Variants in TOGARAM2 observed in about 807,000 individuals in gnomAD.
TOGARAM2 encodes TOG array regulator of axonemal microtubules protein 2.
TOGARAM2 carries 85 observed loss-of-function variants against 93.3 expected under a neutral mutation model. The observed-to-expected ratio is 0.91, with a 90% CI of 0.76 to 1.09. The LOEUF is 1.09. Ranked by LOEUF, TOGARAM2 falls within the 50% of genes least tolerant of loss-of-function variation. The probability of loss-of-function intolerance (pLI) is 0.00; values close to 1 mark genes in which losing one functional copy is unlikely to be tolerated. For missense variants in TOGARAM2, 1,277 were observed against 1,334.5 expected, an observed-to-expected ratio of 0.96 and a Z score of 0.67; for synonymous variants, 593 against 552.8, an observed-to-expected ratio of 1.07 and a Z score of -1.02.
At chr2:28,984,967 G>A (rs1376308638) in intron 1 of TOGARAM2, among the ~76,000 whole-genome samples, 2 of 152,244 alleles carry the variant, frequency 1.3e-5, no homozygotes, top group East Asian at 3.8e-4. Flanking sequence ...CCAGTGTGAT[G>A]CCTATAGGGG....
rs775733626 is a variant in TOGARAM2, at chr2:29,017,240, G to A, written c.1131G>A (p.Glu377=). 1.5e-5 allele frequency: 25 copies of A among 1,613,860 alleles called. No homozygotes were observed. The highest frequency in any genetic ancestry group is 8.5e-7 in the Non-Finnish European group (1 of 1,179,890). ...TGGAGCTGCTTCGGAGGCTGGAGGAGCCCAGGACAGGGCAGGAGCTCACTT... is the reference window on the plus strand; with the variant it reads ...TGGAGCTGCTTCGGAGGCTGGAGGAACCCAGGACAGGGCAGGAGCTCACTT... ...KEMELLRRLE[E]PRTGQELTSQ... The change falls in exon 9 of 20, where the codon GAG becomes GAA. Residue 377 remains glutamate (E), a synonymous_variant. Coordinates refer to ENST00000379558, the MANE Select transcript of TOGARAM2 (RefSeq NM_199280.4).
chr2:29,049,954 C>T (rs2148403539), intron 19 of TOGARAM2: 1 of 152,312 alleles, frequency 6.6e-6, no homozygotes, highest in Admixed American at 6.5e-5. Flanking sequence ...CCTGGTTCCT[C>T]CTTATTCCAG....
At chr2:29,038,216 T>C (rs1666233037) in intron 18 of TOGARAM2, among the ~76,000 whole-genome samples, 1 of 152,152 alleles carries the variant, frequency 6.6e-6, no homozygotes, top group African/African-American at 2.4e-5. Flanking sequence ...GGTAGCAGGA[T>C]TGTAGCTACT....
Position 29,052,178 on chromosome 2 carries a change from G to A in TOGARAM2, c.*85G>A, listed in dbSNP as rs1199957008. 8 of 1,030,556 alleles carry A rather than the reference G, an allele frequency of 7.8e-6. No individual in the cohort carries two copies. The highest frequency in any genetic ancestry group is 1.1e-5 in the Non-Finnish European group (8 of 735,936). 63.8% of individuals were successfully genotyped at this position (1,030,556 alleles called of 1,614,324 possible). On this transcript the variant is annotated 3_prime_UTR_variant, in exon 20 of 20. Coordinates refer to ENST00000379558, the MANE Select transcript of TOGARAM2 (RefSeq NM_199280.4). ...GGTTACTTTCCCCCTTAGAGTTCCA[G>A]ATGTACATGGTATATTTTGAAGTAG...
At chr2:29,030,744 T>G (rs1223893049) in intron 14 of TOGARAM2, among the ~76,000 whole-genome samples, 4 of 152,222 alleles carry the variant, frequency 2.6e-5, no homozygotes, top group Non-Finnish European at 4.4e-5. Flanking sequence ...TCTTTAGTCC[T>G]CATCTCCCTC....
At chr2:28,967,906 C>A (rs1400104934) in intron 1 of TOGARAM2, among the ~76,000 whole-genome samples, 2 of 151,188 alleles carry the variant, frequency 1.3e-5, no homozygotes, top group Non-Finnish European at 2.9e-5. Context: ...GCAACCTCCC[C>A]CTCCTGGGTT....
chr2:29,029,261 G>A (rs75446273), intron 14 of TOGARAM2, among the ~76,000 whole-genome samples: 1 of 84,800 alleles, frequency 1.2e-5, no homozygotes, highest in Admixed American at 1.5e-4. Context: ...ATGTATGTGT[G>A]TATACACACA....
chr2:29,018,577 G>C (rs1438480510), intron 10 of TOGARAM2: 1 of 152,026 alleles, frequency 6.6e-6, no homozygotes. Flanking sequence ...CAGAGTTTCT[G>C]TAAGTGTGGG....
intron 1 of TOGARAM2, among the ~76,000 whole-genome samples, chr2:28,982,590 T>G (rs1012019335): frequency 2.0e-5 from 3 of 151,760 alleles, no homozygotes; most frequent in Non-Finnish European, 4.4e-5. Flanking sequence ...ACTAACAGAT[T>G]TGAAGAAAGG....
intron 8 of TOGARAM2, among the ~76,000 whole-genome samples, chr2:29,016,688 CT>C (rs1664592042): frequency 6.6e-6 from 1 of 152,216 alleles, no homozygotes; most frequent in South Asian, 2.1e-4. Flanking sequence ...ATCCTGCCCC[CT>C]GCCTGATCTT....
At chr2:28,979,792 G>A (rs2148231306), upstream of TOGARAM2, among the ~76,000 whole-genome samples, 1 of 152,308 alleles carries the variant, frequency 6.6e-6, no homozygotes, top group Non-Finnish European at 1.5e-5. Flanking sequence ...GACAGCAGGG[G>A]CCATGAGGGG....
chr2:29,003,953 G>A (rs1393796947), intron 6 of TOGARAM2, among the ~76,000 whole-genome samples: 14 of 152,230 alleles, frequency 9.2e-5, no homozygotes, highest in Non-Finnish European at 2.1e-4. Context: ...GTGCCTTAGT[G>A]GATGAGGTTG....
intron 14 of TOGARAM2, among the ~76,000 whole-genome samples, chr2:29,028,216 A>T (rs1665530709): frequency 6.6e-6 from 1 of 152,080 alleles, no homozygotes; most frequent in South Asian, 2.1e-4. Flanking sequence ...ACCATGTGGC[A>T]CCTGTCAGGG....
At position 29,024,017 on chromosome 2, in the gene TOGARAM2, A is replaced by G. The variant is rs559521371; in HGVS notation, c.1618-122A>G. The G allele has an allele frequency of 1.0e-5, 8 of 777,262 alleles. No individual in the cohort carries two copies. In the South Asian group the frequency reaches 1.1e-4, roughly 11 times the overall value. The allele number at this position is 777,262 out of a possible 1,614,324, so 48.1% of individuals were successfully genotyped here. A position where few individuals can be genotyped will look rare whatever the true frequency, so the allele number is the denominator to read the frequency against. On this transcript the variant is annotated intron_variant, in intron 12 of 19. Coordinates refer to ENST00000379558, the MANE Select transcript of TOGARAM2 (RefSeq NM_199280.4). ...GCAGGGTTTTTGTTTCCAGCGTGGC[A>G]AGGCCTAGGTCAGGGGAAGGGTGGG... is the stretch of plus-strand genomic sequence containing the variant.
chr2:28,993,848 G>T (rs1276452515), intron 1 of TOGARAM2, among the ~76,000 whole-genome samples: 1 of 152,212 alleles, frequency 6.6e-6, no homozygotes, highest in African/African-American at 2.4e-5. Flanking sequence ...CCTGAGTTGG[G>T]ATTTGTTGCT....
Position 28,998,266 on chromosome 2 carries a change from G to C in TOGARAM2, c.139+13G>C, listed in dbSNP as rs373953282. 12 of 1,586,216 alleles carry C rather than the reference G, an allele frequency of 7.6e-6. No homozygotes were observed. The highest frequency in any genetic ancestry group is 1.0e-5 in the Non-Finnish European group (12 of 1,160,766). On this transcript the variant is annotated intron_variant, in intron 3 of 19. Transcript: ENST00000379558. ...CCTCATGGAGAAGGTGAGATGGGAA[G>C]ACCTCACCTGGTCAGGGCCCCTGGC...
At chr2:29,007,943 C>A (rs1248129630) in intron 6 of TOGARAM2, among the ~76,000 whole-genome samples, 2 of 151,904 alleles carry the variant, frequency 1.3e-5, no homozygotes, top group African/African-American at 4.8e-5. Context: ...TTTCCCCACC[C>A]ATTCATTTCA....
intron 19 of TOGARAM2, chr2:29,050,591 G>A (rs1667007015): frequency 6.6e-6 from 1 of 152,190 alleles, no homozygotes; most frequent in Non-Finnish European, 1.5e-5. Context: ...GAGCTGTGAT[G>A]TGAAGCTCTG....
chr2:29,013,203 G>A (rs772281576), intron 7 of TOGARAM2, among the ~76,000 whole-genome samples: 1 of 152,180 alleles, frequency 6.6e-6, no homozygotes, highest in African/African-American at 2.4e-5. Flanking sequence ...TTTAAAATCC[G>A]CTGATGGGGA....
Sources: gnomAD v4.1 joint callset for allele counts (sites outside exome capture counted in the v4.1 genomes callset) on GRCh38, gnomAD v4.1.1 for gene constraint, MANE v1.5 for transcripts, NCBI Gene and HGNC (gene_info 2026-07-23, HGNC 2026-07-21) for gene names.